Variants in SVOP observed in about 807,000 individuals in gnomAD.
The protein encoded by SVOP is SV2 related protein.
In SVOP, 17 loss-of-function variants were observed where a neutral mutation model predicts 69.1. That is an observed-to-expected ratio of 0.25 (90% CI 0.17 to 0.37). SVOP has a LOEUF of 0.37. Ranked by LOEUF, SVOP falls within the 10% of genes least tolerant of loss-of-function variation. The probability of loss-of-function intolerance (pLI) is 1.00; values close to 1 mark genes in which losing one functional copy is unlikely to be tolerated. For synonymous variants in SVOP, 238 were observed against 238.6 expected (o/e 1.00, Z 0.02); for missense variants, 435 against 597.5 (o/e 0.73, Z 2.84).
intron 14 of SVOP, among the ~76,000 whole-genome samples, chr12:108,917,241 T>A (rs1432682446): frequency 2.0e-5 from 3 of 152,260 alleles, no homozygotes; most frequent in Non-Finnish European, 4.4e-5. Flanking sequence ...TTTTTATGTA[T>A]ATTCCTCTAG....
At chr12:108,963,340 G>T (rs1718996014) in intron 5 of SVOP, among the ~76,000 whole-genome samples, 1 of 152,178 alleles carries the variant, frequency 6.6e-6, no homozygotes, top group Non-Finnish European at 1.5e-5. Flanking sequence ...TTTAGAAAAT[G>T]ACTTTATGTG....
intron 1 of SVOP, among the ~76,000 whole-genome samples, chr12:109,012,860 T>C (rs1365870263): frequency 6.6e-6 from 1 of 152,094 alleles, no homozygotes; most frequent in Non-Finnish European, 1.5e-5. Context: ...GCCCAGGAGG[T>C]TGAGGCTGCC....
chr12:108,981,153 G>A (rs968647055), intron 2 of SVOP, among the ~76,000 whole-genome samples: 7 of 152,232 alleles, frequency 4.6e-5, no homozygotes, highest in African/African-American at 1.7e-4. Context: ...TGAGACTATT[G>A]TGGGGCATTT....
At position 108,945,176 on chromosome 12, in the gene SVOP, T is replaced by C. The variant is rs993210050; in HGVS notation, c.579-10A>G. On this transcript the variant is annotated splice_polypyrimidine_tract_variant and intron_variant, in intron 6 of 15. Coordinates refer to ENST00000610966, the MANE Select transcript of SVOP (RefSeq NM_018711.5). ...GGCATACAGCGTCACCCTGGGAATG[T>C]AAAAGGGAAAGAAAGGGAGTTAAGA... is the stretch of plus-strand genomic sequence containing the variant. 15 of 1,536,984 alleles carry C rather than the reference T, an allele frequency of 9.8e-6. No homozygotes were observed. The highest frequency in any genetic ancestry group is 1.7e-4 in the Middle Eastern group (1 of 5,990).
At chr12:108,966,623 A>C (rs980448546) in intron 5 of SVOP, among the ~76,000 whole-genome samples, 2 of 152,126 alleles carry the variant, frequency 1.3e-5, no homozygotes, top group African/African-American at 4.8e-5. Flanking sequence ...AGGTTGGGCC[A>C]GAATTCCATG....
chr12:109,002,594 G>A (rs1162434662), intron 1 of SVOP, among the ~76,000 whole-genome samples: 1 of 150,994 alleles, frequency 6.6e-6, no homozygotes, highest in African/African-American at 2.4e-5. Context: ...TTAAGAAAAT[G>A]TGGCACATGT....
rs555853384 is a variant in SVOP at position 108,929,499 on chromosome 12, G to T, written c.1048+4696C>A. ...ATTTTTTCTACATTTTGTAGAAATG[G>T]GGTCTCACTATGTTGCCCAGGCTGG... On this transcript the variant is annotated intron_variant, in intron 11 of 15. Coordinates refer to ENST00000610966, the MANE Select transcript of SVOP (RefSeq NM_018711.5). Among the ~76,000 whole-genome samples, 40 of 152,148 alleles carry T rather than the reference G, an allele frequency of 2.6e-4. 1 individual carries two copies. The South Asian group carries it at 5.6e-3, about 21-fold the overall frequency.
chr12:108,971,908 G>T (rs1314649309), intron 5 of SVOP, among the ~76,000 whole-genome samples: 2 of 151,986 alleles, frequency 1.3e-5, no homozygotes, highest in Non-Finnish European at 1.5e-5. Context: ...ACAAAAATGA[G>T]CTGGGTGTAT....
intron 10 of SVOP, among the ~76,000 whole-genome samples, chr12:108,936,454 G>C (rs376600406): frequency 6.6e-6 from 1 of 151,864 alleles, no homozygotes; most frequent in East Asian, 2.0e-4. Context: ...ATGTGCTAAT[G>C]AGTCCTTAAC....
intron 1 of SVOP, among the ~76,000 whole-genome samples, chr12:108,999,058 A>T (rs1405446931): frequency 7.5e-6 from 1 of 134,222 alleles, no homozygotes; most frequent in African/African-American, 2.8e-5. Flanking sequence ...TGCTGTATTC[A>T]GGAAACCCAT....
At chr12:108,945,985 C>T (rs1218422153) in intron 6 of SVOP, among the ~76,000 whole-genome samples, 1 of 152,212 alleles carries the variant, frequency 6.6e-6, no homozygotes, top group African/African-American at 2.4e-5. Flanking sequence ...GGGAAGTATT[C>T]AGATTATGCC....
At chr12:108,973,255 A>G (rs1184323441) in intron 4 of SVOP, among the ~76,000 whole-genome samples, 1 of 152,172 alleles carries the variant, frequency 6.6e-6, no homozygotes, top group Non-Finnish European at 1.5e-5. Flanking sequence ...TGAGGGCCAG[A>G]GAGGGGAGGG....
intron 6 of SVOP, among the ~76,000 whole-genome samples, chr12:108,955,287 C>T (rs942373725): frequency 2.6e-5 from 4 of 152,160 alleles, no homozygotes; most frequent in African/African-American, 4.8e-5. Context: ...CTTCCAGCCA[C>T]GAGGGGAAAA....
intron 11 of SVOP, among the ~76,000 whole-genome samples, chr12:108,923,864 G>A (rs1452080036): frequency 6.6e-6 from 1 of 152,104 alleles, no homozygotes; most frequent in African/African-American, 2.4e-5. Context: ...AATAAAGAAG[G>A]ATGAATGCTA....
chr12:108,924,365 G>A (rs1000233061), intron 11 of SVOP, among the ~76,000 whole-genome samples: 2 of 152,192 alleles, frequency 1.3e-5, no homozygotes, highest in Non-Finnish European at 2.9e-5. Flanking sequence ...AAGACTCAGA[G>A]AGGGTGAGTG....
chr12:108,971,795 GTAAT>G (rs766810772), intron 5 of SVOP, among the ~76,000 whole-genome samples: 20 of 152,190 alleles, frequency 1.3e-4, no homozygotes, highest in Middle Eastern at 3.4e-3. Flanking sequence ...GCTCATGTCT[GTAAT>G]CCCAGCGCTG....
At chr12:108,993,685 G>T (rs2040215727) in intron 1 of SVOP, among the ~76,000 whole-genome samples, 1 of 152,200 alleles carries the variant, frequency 6.6e-6, no homozygotes, top group South Asian at 2.1e-4. Flanking sequence ...TATGGTGGGG[G>T]TGACATTTCA....
At chr12:108,929,271 A>G (rs1165112094) in intron 11 of SVOP, among the ~76,000 whole-genome samples, 1 of 152,250 alleles carries the variant, frequency 6.6e-6, no homozygotes, top group African/African-American at 2.4e-5. Context: ...ACTTGCCTTC[A>G]GCAATAGTCC....
intron 2 of SVOP, among the ~76,000 whole-genome samples, chr12:108,982,247 CATT>C (rs1482970203): frequency 1.1e-4 from 17 of 150,892 alleles, no homozygotes; most frequent in Non-Finnish European, 2.1e-4. Flanking sequence ...CTATCACCAT[CATT>C]ATCACCACAA....
Sources: gnomAD v4.1 joint callset for allele counts (sites outside exome capture counted in the v4.1 genomes callset) on GRCh38, gnomAD v4.1.1 for gene constraint, MANE v1.5 for transcripts, NCBI Gene and HGNC (gene_info 2026-07-23, HGNC 2026-07-21) for gene names.